Variants in CDKAL1 observed in about 807,000 individuals in gnomAD.
CDKAL1 encodes the protein CDKAL1 threonylcarbamoyladenosine tRNA methylthiotransferase, also known as threonylcarbamoyladenosine tRNA methylthiotransferase.
In CDKAL1, 32 loss-of-function variants were observed where a neutral mutation model predicts 68.2. The observed-to-expected ratio is 0.47, with a 90% CI of 0.35 to 0.63. The LOEUF is 0.63. Ranked by LOEUF, CDKAL1 falls within the 30% of genes least tolerant of loss-of-function variation. The pLI is 0.00. For synonymous variants in CDKAL1, 234 were observed against 244.3 expected, an observed-to-expected ratio of 0.96 and a Z score of 0.39; for missense variants, 606 against 696.7, an observed-to-expected ratio of 0.87 and a Z score of 1.47.
At chr6:20,687,371 A>T (rs182162397) in intron 5 of CDKAL1, among the ~76,000 whole-genome samples, 1 of 152,240 alleles carries the variant, frequency 6.6e-6, no homozygotes, top group East Asian at 1.9e-4. Flanking sequence ...GCCTATTCAC[A>T]TCGTCTTTTT....
intron 6 of CDKAL1, among the ~76,000 whole-genome samples, chr6:20,749,957 C>G (rs1773845126): frequency 6.6e-6 from 1 of 152,070 alleles, no homozygotes; most frequent in Non-Finnish European, 1.5e-5. Flanking sequence ...CTTCCCGCCT[C>G]AGCCTCCCAG....
At position 20,648,584 on chromosome 6, in the gene CDKAL1, G is replaced by A. The variant is rs187253916; in HGVS notation, c.287-709G>A. On this transcript the variant is annotated intron_variant, in intron 4 of 15. Transcript: ENST00000274695. Reference sequence around the variant, plus strand: ...TTCATGTCATTTGATCTTAGCTTCTGTTCTTATACAGATACTGTTGAAGGT... The same window carrying A: ...TTCATGTCATTTGATCTTAGCTTCTATTCTTATACAGATACTGTTGAAGGT... Among the ~76,000 whole-genome samples the A allele has an allele frequency of 3.2e-3, 481 of 152,244 alleles. 2 individuals are homozygous for A. The highest frequency in any genetic ancestry group is 4.9e-3 in the Non-Finnish European group (332 of 68,028).
chr6:21,039,926 C>T (rs1177336069), intron 11 of CDKAL1, among the ~76,000 whole-genome samples: 1 of 152,156 alleles, frequency 6.6e-6, no homozygotes, highest in African/African-American at 2.4e-5. Context: ...AGTGTAGTTT[C>T]AGTGGCTGAT....
chr6:20,883,537 T>C (rs1760925486), intron 9 of CDKAL1, among the ~76,000 whole-genome samples: 1 of 152,218 alleles, frequency 6.6e-6, no homozygotes, highest in South Asian at 2.1e-4. Flanking sequence ...CGCAACCGAA[T>C]GTTTCATTTA....
intron 8 of CDKAL1, among the ~76,000 whole-genome samples, chr6:20,799,248 C>T (rs1776266004): frequency 6.6e-6 from 1 of 151,846 alleles, no homozygotes; most frequent in Non-Finnish European, 1.5e-5. Context: ...GACGGGGTTT[C>T]TCCATGTTGG....
At chr6:20,998,213 T>C (rs1429604493) in intron 10 of CDKAL1, among the ~76,000 whole-genome samples, 1 of 152,216 alleles carries the variant, frequency 6.6e-6, no homozygotes, top group Non-Finnish European at 1.5e-5. Flanking sequence ...GTGAAGAACC[T>C]GAAAGGCAGA....
intron 10 of CDKAL1, among the ~76,000 whole-genome samples, chr6:20,983,548 C>CT (rs1311710835): frequency 1.3e-5 from 2 of 152,094 alleles, no homozygotes; most frequent in Non-Finnish European, 2.9e-5. Context: ...TGGTGAAACC[C>CT]TGTCTCTACT....
intron 5 of CDKAL1, among the ~76,000 whole-genome samples, chr6:20,697,464 C>T (rs1004061221): frequency 6.6e-6 from 1 of 152,062 alleles, no homozygotes; most frequent in African/African-American, 2.4e-5. Context: ...GGAACATATA[C>T]ATTGTATAAT....
At chr6:20,579,640 C>T (rs1765061491) in intron 4 of CDKAL1, among the ~76,000 whole-genome samples, 1 of 152,146 alleles carries the variant, frequency 6.6e-6, no homozygotes, top group African/African-American at 2.4e-5. Flanking sequence ...ACCAGAGTCA[C>T]ATAGGTAGTG....
chr6:20,853,497 T>G (rs558148434), intron 9 of CDKAL1, among the ~76,000 whole-genome samples: 1 of 152,304 alleles, frequency 6.6e-6, no homozygotes, highest in South Asian at 2.1e-4. Flanking sequence ...TCGAGATTCT[T>G]CATGGCAGAA....
chr6:21,002,069 C>T (rs1038596426), intron 11 of CDKAL1, among the ~76,000 whole-genome samples: 1 of 152,144 alleles, frequency 6.6e-6, no homozygotes, highest in African/African-American at 2.4e-5. Context: ...AAATGGGCAA[C>T]AATTTCACAA....
intron 11 of CDKAL1, among the ~76,000 whole-genome samples, chr6:21,024,026 A>T (rs1768822470): frequency 6.6e-6 from 1 of 152,088 alleles, no homozygotes; most frequent in South Asian, 2.1e-4. Context: ...ATTAATTTGT[A>T]AATAAATATA....
At chr6:20,639,850 T>A (rs1057090759) in intron 4 of CDKAL1, among the ~76,000 whole-genome samples, 1 of 152,292 alleles carries the variant, frequency 6.6e-6, no homozygotes, top group Non-Finnish European at 1.5e-5. Flanking sequence ...TTTGTATTTT[T>A]AGTAGAGATG....
intron 11 of CDKAL1, among the ~76,000 whole-genome samples, chr6:21,030,264 A>C (rs921507294): frequency 1.4e-4 from 22 of 152,170 alleles, no homozygotes; most frequent in Non-Finnish European, 2.8e-4. Flanking sequence ...CGTAAGTGGA[A>C]GTTGAACAAT....
chr6:20,617,057 C>G (rs1036117791), intron 4 of CDKAL1, among the ~76,000 whole-genome samples: 7 of 136,608 alleles, frequency 5.1e-5, no homozygotes, highest in Middle Eastern at 4.1e-3. Context: ...AAAAAAAAAG[C>G]CTTTTTGTTC....
chr6:20,821,238 T>C (rs1228961144), intron 8 of CDKAL1, among the ~76,000 whole-genome samples: 1 of 152,058 alleles, frequency 6.6e-6, no homozygotes, highest in African/African-American at 2.4e-5. Flanking sequence ...TTTTCAGTCT[T>C]GTGTGGCTGC....
At chr6:21,014,713 T>C (rs1768221744) in intron 11 of CDKAL1, among the ~76,000 whole-genome samples, 1 of 152,230 alleles carries the variant, frequency 6.6e-6, no homozygotes, top group South Asian at 2.1e-4. Flanking sequence ...TATGTTCTCT[T>C]GAGCATCAAT....
intron 10 of CDKAL1, among the ~76,000 whole-genome samples, chr6:20,969,334 T>A (rs1314921988): frequency 1.3e-5 from 2 of 152,034 alleles, no homozygotes; most frequent in Admixed American, 6.6e-5. Flanking sequence ...ATTAAGAAAA[T>A]CATAAGAAGA....
At chr6:20,803,500 C>T (rs147925853) in intron 8 of CDKAL1, among the ~76,000 whole-genome samples, 2 of 152,268 alleles carry the variant, frequency 1.3e-5, no homozygotes, top group African/African-American at 4.8e-5. Context: ...AATATATTCT[C>T]AGAAGATGCA....
Sources: gnomAD v4.1 joint callset for allele counts (sites outside exome capture counted in the v4.1 genomes callset) on GRCh38, gnomAD v4.1.1 for gene constraint, MANE v1.5 for transcripts, NCBI Gene and HGNC (gene_info 2026-07-23, HGNC 2026-07-21) for gene names.